Variants in PRDM11 observed in about 807,000 individuals in gnomAD.
PRDM11 encodes PR domain-containing protein 11.
PRDM11 carries 20 observed loss-of-function variants against 97.8 expected under a neutral mutation model. That is an observed-to-expected ratio of 0.20 (90% CI 0.14 to 0.30). PRDM11 has a LOEUF of 0.30. Among genes scored for constraint, PRDM11 ranks in the 10% least tolerant of loss-of-function variants. The pLI is 1.00. For missense variants in PRDM11, 1,139 were observed against 1,555.2 expected (o/e 0.73, Z 4.50); for synonymous variants, 599 against 637.7 (o/e 0.94, Z 0.91).
At chr11:45,121,973 C>A (rs143317278) in intron 1 of PRDM11, among the ~76,000 whole-genome samples, 1 of 151,396 alleles carries the variant, frequency 6.6e-6, no homozygotes, top group African/African-American at 2.4e-5. Flanking sequence ...AAAAGATATA[C>A]GGAAAATTAA....
chr11:45,119,543 T>C (rs957777392), intron 1 of PRDM11, among the ~76,000 whole-genome samples: 7 of 141,894 alleles, frequency 4.9e-5, no homozygotes, highest in Non-Finnish European at 9.0e-5. Context: ...GGCAGGAGAA[T>C]TGCGTGAACC....
chr11:45,112,674 T>G (rs1311270278), intron 1 of PRDM11, among the ~76,000 whole-genome samples: 3 of 152,234 alleles, frequency 2.0e-5, no homozygotes, highest in African/African-American at 2.4e-5. Flanking sequence ...TGGATTTGCA[T>G]TTCCCCGATG....
At chr11:45,200,715 G>C (rs1016981178) in intron 4 of PRDM11, among the ~76,000 whole-genome samples, 1 of 152,196 alleles carries the variant, frequency 6.6e-6, no homozygotes, top group African/African-American at 2.4e-5. Flanking sequence ...GGTTCTCTGA[G>C]ATTCCAGGGG....
intron 1 of PRDM11, among the ~76,000 whole-genome samples, chr11:45,100,317 G>A (rs906672794): frequency 3.3e-5 from 5 of 152,080 alleles, no homozygotes; most frequent in Non-Finnish European, 7.3e-5. Context: ...TCAGAGTGAT[G>A]GGGTGATCCT....
intron 5 of PRDM11, among the ~76,000 whole-genome samples, chr11:45,212,209 A>C (rs1430415518): frequency 6.6e-6 from 1 of 152,166 alleles, no homozygotes; most frequent in East Asian, 1.9e-4. Flanking sequence ...ACGGTCTCCA[A>C]GTCCCCTGGC....
intron 1 of PRDM11, among the ~76,000 whole-genome samples, chr11:45,113,813 TGTGTGTG>T (rs1379714316): frequency 4.3e-5 from 6 of 138,984 alleles, no homozygotes; most frequent in African/African-American, 1.6e-4. Context: ...TGTGTGTGTG[TGTGTGTG>T]TGTGTTTTGT....
chr11:45,175,370 T>C (rs1487310039), intron 1 of PRDM11, among the ~76,000 whole-genome samples: 1 of 152,236 alleles, frequency 6.6e-6, no homozygotes, highest in Non-Finnish European at 1.5e-5. Context: ...CAGAATGTCA[T>C]ATAGTTGGAA....
chr11:45,110,672 G>A (rs568053237), intron 1 of PRDM11, among the ~76,000 whole-genome samples: 11 of 152,330 alleles, frequency 7.2e-5, no homozygotes, highest in Non-Finnish European at 1.2e-4. Flanking sequence ...CGGTGGCCAC[G>A]AATTGCAAGG....
chr11:45,168,596 G>A (rs1478294869), intron 1 of PRDM11, among the ~76,000 whole-genome samples: 1 of 152,134 alleles, frequency 6.6e-6, no homozygotes, highest in Non-Finnish European at 1.5e-5. Flanking sequence ...GCATCTCTGG[G>A]CATCCTTTCA....
At chr11:45,100,900 A>T (rs1851962159) in intron 1 of PRDM11, among the ~76,000 whole-genome samples, 1 of 152,250 alleles carries the variant, frequency 6.6e-6, no homozygotes, top group African/African-American at 2.4e-5. Flanking sequence ...ACAAAGTTTA[A>T]GTATTTGCCC....
intron 5 of PRDM11, chr11:45,213,957 C>T: frequency 2.9e-6 from 1 of 347,624 alleles, no homozygotes; most frequent in Admixed American, 3.8e-5. Flanking sequence ...TCTGCTTCTG[C>T]CTCAGCTGTC....
At chr11:45,167,258 G>C (rs1590398982) in intron 1 of PRDM11, among the ~76,000 whole-genome samples, 1 of 152,202 alleles carries the variant, frequency 6.6e-6, no homozygotes, top group Admixed American at 6.5e-5. Flanking sequence ...ACATGAGAAG[G>C]TTCTTAATTC....
intron 4 of PRDM11, among the ~76,000 whole-genome samples, chr11:45,202,326 C>T (rs976737872): frequency 1.3e-5 from 2 of 152,126 alleles, no homozygotes. Context: ...ACAAAATGCT[C>T]ACTGCAATTA....
intron 1 of PRDM11, among the ~76,000 whole-genome samples, chr11:45,157,697 G>A (rs921973607): frequency 2.0e-5 from 3 of 152,224 alleles, no homozygotes; most frequent in Admixed American, 2.0e-4. Flanking sequence ...GCCCTCGGGT[G>A]TGAGCAGCAT....
In PRDM11 at chr11:45,227,324, G is replaced by A. The variant is rs1456409554; in HGVS notation, c.2699G>A (p.Gly900Asp). The change falls in exon 8 of 8, where the codon GGC (glycine) becomes GAC (aspartate). Residue 900 changes from glycine (G) to aspartate (D), a missense_variant. By Grantham distance (94) the Gly-to-Asp change is moderately conservative (BLOSUM62 -1). Coordinates refer to ENST00000683152, the MANE Select transcript of PRDM11 (RefSeq NM_001384648.1). This position sits in a 1 kb window ranked among gnomAD's most constrained non-coding sequence, Gnocchi z 8.0. ...VLSRLAYIFQ[G>D]EYLLVSQVDD... ...TCGCGTCTGGCCTACATCTTCCAGG[G>A]CGAGTACCTGCTGGTGTCCCAGGTG... The A allele has an allele frequency of 3.3e-6, 5 of 1,533,870 alleles. No homozygotes were observed. The highest frequency in any genetic ancestry group is 4.4e-6 in the Non-Finnish European group (5 of 1,146,742).
chr11:45,227,454 G>C lies in PRDM11; in HGVS notation c.2829G>C (p.Gly943=), dbSNP rs150058653. The change falls in exon 8 of 8, where the codon GGG becomes GGC. Residue 943 remains glycine (G), a synonymous_variant. Transcript: ENST00000683152. This position sits in a 1 kb window ranked among gnomAD's most constrained non-coding sequence, Gnocchi z 8.0. ...AGAATTTCCGAGAGAGCTTCAACGG[G>C]ATCGCCATGAAGAACCTCAGGGTGG... ...FEENFRESFN[G]IAMKNLRVAE... is the part of the protein sequence containing the mutation. 3.0e-4 allele frequency: 463 copies of C among 1,533,858 alleles called. 1 individual carries two copies. The highest frequency in any genetic ancestry group is 2.8e-3 in the African/African-American group (204 of 73,082).
intron 1 of PRDM11, among the ~76,000 whole-genome samples, chr11:45,103,246 G>A (rs1451331083): frequency 1.3e-5 from 2 of 152,138 alleles, no homozygotes; most frequent in South Asian, 2.1e-4. Flanking sequence ...CCTCCTCCCC[G>A]GCCTTGGAGC....
intron 4 of PRDM11, among the ~76,000 whole-genome samples, chr11:45,185,122 A>G (rs1565301658): frequency 6.6e-6 from 1 of 152,112 alleles, no homozygotes; most frequent in African/African-American, 2.4e-5. Context: ...TGTCCCGTGG[A>G]TTTACTACCA....
At chr11:45,223,342 A>G (rs992209969) in intron 6 of PRDM11, among the ~76,000 whole-genome samples, 6 of 152,344 alleles carry the variant, frequency 3.9e-5, no homozygotes, top group Admixed American at 2.0e-4. Context: ...GTCTAAAATA[A>G]TTTATGGTTC....
Sources: allele counts gnomAD v4.1 joint callset (sites outside exome capture counted in the v4.1 genomes callset), GRCh38; gene constraint gnomAD v4.1.1; non-coding constraint Gnocchi (gnomAD v3.1); transcripts MANE v1.5; gene names NCBI Gene and HGNC (gene_info 2026-07-23, HGNC 2026-07-21).